The following RPN2 variants were observed in gnomAD, a reference collection of about 807,000 sequenced individuals.
The protein encoded by RPN2 is ribophorin II, also known as dolichyl-diphosphooligosaccharide--protein glycosyltransferase subunit 2.
A neutral mutation model predicts 71.4 loss-of-function variants in RPN2; 29 were observed. The ratio of observed to expected loss-of-function variants is 0.41; its 90% CI spans 0.30 to 0.55. The LOEUF (loss-of-function observed/expected upper bound fraction) is 0.55, where lower values mean the gene tolerates loss of function less well. Ranked by LOEUF, RPN2 falls within the 20% of genes least tolerant of loss-of-function variation. The probability of loss-of-function intolerance (pLI) is 0.35; values close to 1 mark genes in which losing one functional copy is unlikely to be tolerated. For missense variants in RPN2, 726 were observed against 774.1 expected, an observed-to-expected ratio of 0.94 and a Z score of 0.74; for synonymous variants, 308 against 305.0, an observed-to-expected ratio of 1.01 and a Z score of -0.10.
intron 9 of RPN2, among the ~76,000 whole-genome samples, chr20:37,221,948 G>A (rs1024849179): frequency 3.9e-5 from 6 of 152,212 alleles, no homozygotes; most frequent in Non-Finnish European, 8.8e-5. Flanking sequence ...GTTTGTGTAC[G>A]GGACAGGAAG....
At chr20:37,179,466 G>T in intron 1 of RPN2, 97 bp downstream of exon 1, 1 of 1,439,370 alleles carries the variant, frequency 6.9e-7, no homozygotes, top group Non-Finnish European at 9.2e-7. Flanking sequence ...CCCTTCCCCT[G>T]CGGGACAGGG....
chr20:37,228,711 T>A lies in RPN2; in HGVS notation c.1461T>A (p.Asp487Glu). The A allele has an allele frequency of 6.2e-7, 1 of 1,614,244 alleles. No homozygotes were observed. The highest frequency in any genetic ancestry group is 8.5e-7 in the Non-Finnish European group (1 of 1,180,032). The part of the protein sequence containing the change: ...GTYTLYLIIG[D>E]ATLKNPILWN... Reference sequence around the variant, plus strand: ...ACACTCTCTACTTAATCATTGGAGATGCCACTTTGAAGAACCCAATCCTCT... The same window carrying A: ...ACACTCTCTACTTAATCATTGGAGAAGCCACTTTGAAGAACCCAATCCTCT... Residue 487 changes from aspartate (D) to glutamate (E), a missense_variant, in exon 12 of 17, where the codon GAT (aspartate) becomes GAA (glutamate). Coordinates refer to ENST00000237530, the MANE Select transcript of RPN2 (RefSeq NM_002951.5).
At chr20:37,200,990 G>A (rs978624882) in intron 4 of RPN2, among the ~76,000 whole-genome samples, 1 of 152,124 alleles carries the variant, frequency 6.6e-6, no homozygotes, top group Non-Finnish European at 1.5e-5. Context: ...ACAGACTTAG[G>A]TTTGAACACC....
intron 9 of RPN2, among the ~76,000 whole-genome samples, chr20:37,217,498 G>A (rs999608433): frequency 1.3e-5 from 2 of 151,486 alleles, no homozygotes; most frequent in East Asian, 3.9e-4. Flanking sequence ...TCACTATGTT[G>A]GCCAGGATGG....
In RPN2 at chr20:37,230,023, G is replaced by A. The variant is rs773549689; in HGVS notation, c.1545G>A (p.Leu515=). ...AGGAAGAAGCTCCCTCGACTGTCTT[G>A]TCCCAGAACCTTTTCACTCCAAAAC... ...FPEEEAPSTV[L]SQNLFTPKQE... The change falls in exon 13 of 17, where the codon TTG becomes TTA. Residue 515 remains leucine (L), a synonymous_variant. Transcript: ENST00000237530. 6.8e-6 allele frequency: 11 copies of A among 1,614,148 alleles called. No individual in the cohort carries two copies. Among genetic ancestry groups the A allele is most frequent in the African/African-American group, 1.3e-5 (1 of 75,024 alleles).
At chr20:37,191,925 G>C (rs567743446) in intron 2 of RPN2, among the ~76,000 whole-genome samples, 1 of 122,442 alleles carries the variant, frequency 8.2e-6, no homozygotes, top group Non-Finnish European at 1.6e-5. Flanking sequence ...CCCCACCCCC[G>C]ATTTCTGCAA....
chr20:37,206,853 C>T (rs1032927696), intron 6 of RPN2, among the ~76,000 whole-genome samples: 15 of 151,932 alleles, frequency 9.9e-5, no homozygotes, highest in African/African-American at 7.3e-5. Flanking sequence ...GGATTACAGG[C>T]GCATGCCACC....
At chr20:37,234,199 T>G (rs778945626) in intron 15 of RPN2, 104 bp downstream of exon 15, 11 of 1,077,212 alleles carry the variant, frequency 1.0e-5, no homozygotes, top group Non-Finnish European at 1.5e-5. Context: ...CTATAATGAC[T>G]TAATAGCATT....
intron 4 of RPN2, among the ~76,000 whole-genome samples, chr20:37,203,515 T>C (rs2067442278): frequency 6.6e-6 from 1 of 152,088 alleles, no homozygotes; most frequent in Non-Finnish European, 1.5e-5. Context: ...TCATTTTTAG[T>C]ATTTTTAGTA....
At chr20:37,194,258 G>A (rs902662313) in intron 2 of RPN2, among the ~76,000 whole-genome samples, 1 of 11,314 alleles carries the variant, frequency 8.8e-5, no homozygotes, top group Non-Finnish European at 3.0e-4. Flanking sequence ...GAGGGAAATT[G>A]TTGTTGTTGT....
chr20:37,180,676 C>T (rs1037719530), intron 1 of RPN2, among the ~76,000 whole-genome samples: 1 of 152,222 alleles, frequency 6.6e-6, no homozygotes, highest in African/African-American at 2.4e-5. Flanking sequence ...TTAGGTCTTT[C>T]TGTCCATTAG....
At position 37,241,398 on chromosome 20, in the gene RPN2, GAAA is replaced by G; in HGVS notation, c.*91_*93del. 1 of 1,349,542 alleles carries G rather than the reference GAAA, an allele frequency of 7.4e-7. No homozygotes were observed. The highest frequency in any genetic ancestry group is 1.0e-6 in the Non-Finnish European group (1 of 993,150). The allele number at this position is 1,349,542 out of a possible 1,614,324, so 83.6% of individuals were successfully genotyped here. A position where few individuals can be genotyped will look rare whatever the true frequency, so the allele number is the denominator to read the frequency against. Reference sequence around the variant, plus strand: ...AATTCACAGTATGAGAAGAAAAATGGAAAAAAAAAACTTTATTTAAAAAAGAAA... The same window carrying G: ...AATTCACAGTATGAGAAGAAAAATGGAAAAAAACTTTATTTAAAAAAGAAA... On this transcript the variant is annotated 3_prime_UTR_variant, in exon 17 of 17. Coordinates refer to ENST00000237530, the MANE Select transcript of RPN2 (RefSeq NM_002951.5).
At chr20:37,198,294 T>C in intron 2 of RPN2, 103 bp from the exon 3 acceptor site, 1 of 1,597,810 alleles carries the variant, frequency 6.3e-7, no homozygotes, top group South Asian at 1.1e-5. Context: ...GCTCATTCCT[T>C]AAGCCATCTA....
chr20:37,235,551 C>T (rs1220174794), intron 15 of RPN2, among the ~76,000 whole-genome samples: 2 of 152,190 alleles, frequency 1.3e-5, no homozygotes, highest in African/African-American at 2.4e-5. Context: ...GTCCTCCTTG[C>T]TCCCTTCCTA....
chr20:37,208,552 T>A (rs1431266991), intron 7 of RPN2, among the ~76,000 whole-genome samples: 1 of 152,174 alleles, frequency 6.6e-6, no homozygotes, highest in Non-Finnish European at 1.5e-5. Context: ...CTGTTTTAAT[T>A]CTCAATTAAT....
At chr20:37,236,760 C>A in intron 16 of RPN2, 51 bp downstream of exon 16, 1 of 1,574,510 alleles carries the variant, frequency 6.4e-7, no homozygotes. Context: ...AAATACTCAG[C>A]TCTGCCGGCC....
chr20:37,199,697 T>C (rs1473363115), intron 4 of RPN2, among the ~76,000 whole-genome samples: 1 of 152,012 alleles, frequency 6.6e-6, no homozygotes, highest in East Asian at 1.9e-4. Flanking sequence ...GAGGGTGGAG[T>C]ATTCTAGGAA....
chr20:37,199,023 ACT>A (rs1600764779), intron 3 of RPN2, 25 bp from the exon 4 acceptor site: 1 of 1,599,192 alleles, frequency 6.3e-7, no homozygotes, highest in Non-Finnish European at 8.6e-7. Flanking sequence ...CTGTTCTAAA[ACT>A]CTGTGTCTGC....
chr20:37,219,578 A>C (rs2067902319), intron 9 of RPN2, among the ~76,000 whole-genome samples: 1 of 152,204 alleles, frequency 6.6e-6, no homozygotes, highest in African/African-American at 2.4e-5. Context: ...GATGAAGTCC[A>C]GTTTTAAAAT....
Sources: allele counts gnomAD v4.1 joint callset (sites outside exome capture counted in the v4.1 genomes callset), GRCh38; gene constraint gnomAD v4.1.1; transcripts MANE v1.5; gene names NCBI Gene and HGNC (gene_info 2026-07-23, HGNC 2026-07-21).